Variants in DYNC2H1 observed in about 807,000 individuals in gnomAD.
DYNC2H1 encodes cytoplasmic dynein 2 heavy chain 1.
DYNC2H1 carries 410 observed loss-of-function variants against 570.0 expected under a neutral mutation model. The ratio of observed to expected loss-of-function variants is 0.72; its 90% CI spans 0.66 to 0.78. The LOEUF (loss-of-function observed/expected upper bound fraction) is 0.78. DYNC2H1 is among the 30% of genes least tolerant of loss of function. The pLI, the probability that DYNC2H1 is intolerant of heterozygous loss-of-function variation, is 0.00. For synonymous variants in DYNC2H1, 1,688 were observed against 1,677.6 expected (o/e 1.01, Z -0.15); for missense variants, 4,865 against 5,046.4 (o/e 0.96, Z 1.09).
At position 103,261,354 on chromosome 11, in the gene DYNC2H1, C is replaced by A. The variant is rs922357819; in HGVS notation, c.10695+1377C>A. 4.7e-4 allele frequency among the ~76,000 whole-genome samples: 71 copies of A among 152,342 alleles called. No individual in the cohort carries two copies. Among genetic ancestry groups the A allele is most frequent in the African/African-American group, 1.7e-3 (70 of 41,584 alleles). On this transcript the variant is annotated intron_variant, in intron 70 of 88. Transcript: ENST00000375735. This position sits in a 1 kb window ranked among gnomAD's most constrained non-coding sequence, Gnocchi z 4.8. ...ACAGAGCTTGAGCTCTGCTAAGGGA[C>A]AGATTGCCTTCTCAAGTGGGTCCCT...
chr11:103,220,333 A>C (rs765337421), intron 56 of DYNC2H1, among the ~76,000 whole-genome samples: 3 of 152,210 alleles, frequency 2.0e-5, no homozygotes, highest in Non-Finnish European at 4.4e-5. Flanking sequence ...TGATTAAATT[A>C]GTCAGCTAGT....
chr11:103,398,500 ATTAC>A lies in DYNC2H1; in HGVS notation c.12157-1157_12157-1154del, dbSNP rs1481347022. 2.6e-5 allele frequency among the ~76,000 whole-genome samples: 4 copies of A among 152,326 alleles called. No homozygotes were observed. The East Asian group carries it at 5.8e-4, about 22-fold the overall frequency. On this transcript the variant is annotated intron_variant, in intron 83 of 88. Transcript: ENST00000375735. The stretch of plus-strand genomic sequence containing the variant: ...AATGGCAGTAACCATGGTAGGTTAA[ATTAC>A]TTACTATGCTAAATAGATGAAAAAG...
intron 48 of DYNC2H1, among the ~76,000 whole-genome samples, chr11:103,198,609 T>C (rs1490057663): frequency 1.3e-5 from 2 of 152,196 alleles, no homozygotes; most frequent in African/African-American, 4.8e-5. Flanking sequence ...TTATATTGAA[T>C]GTTAGTGTGG....
chr11:103,168,877 C>A lies in DYNC2H1; in HGVS notation c.4885C>A (p.Gln1629Lys), dbSNP rs755319523. ...HTTEDWAWKKQLRFYMKSDHT... is the reference protein window; with the variant it reads ...HTTEDWAWKKKLRFYMKSDHT... ...AACTGAAGACTGGGCTTGGAAAAAA[C>A]AACTTAGATTCTATATGAAAAGTGA... The change falls in exon 32 of 89, where the codon CAA becomes AAA. Residue 1629 changes from glutamine (Q) to lysine (K), a missense_variant. Gln to Lys is a moderately conservative substitution (Grantham distance 53, BLOSUM62 1). Coordinates refer to ENST00000375735, the MANE Select transcript of DYNC2H1 (RefSeq NM_001377.3). 1.2e-6 allele frequency: 2 copies of A among 1,613,144 alleles called. No individual in the cohort carries two copies. Among genetic ancestry groups the A allele is most frequent in the Admixed American group, 1.7e-5 (1 of 59,940 alleles).
rs564411205 is a variant in DYNC2H1 at position 103,465,960 on chromosome 11, C to T, written c.12649-2629C>T. Among the ~76,000 whole-genome samples the T allele has an allele frequency of 6.6e-6, 1 of 152,302 alleles. No homozygotes were observed. Among genetic ancestry groups the T allele is most frequent in the South Asian group, 2.1e-4 (1 of 4,826 alleles). ...CTGAAGGAAGCAGCAGCCAAGCTTA[C>T]TTGGCAAAGGGGTGCATATTAGGAG... is the stretch of plus-strand genomic sequence containing the variant. On this transcript the variant is annotated intron_variant, in intron 87 of 88. Coordinates refer to ENST00000375735, the MANE Select transcript of DYNC2H1 (RefSeq NM_001377.3). This position sits in a 1 kb window ranked among gnomAD's most constrained non-coding sequence, Gnocchi z 4.9.
intron 25 of DYNC2H1, among the ~76,000 whole-genome samples, chr11:103,156,028 T>G (rs894714782): frequency 2.0e-5 from 3 of 152,184 alleles, no homozygotes; most frequent in African/African-American, 7.2e-5. Context: ...ATTTCTGAAT[T>G]TCTTTTGTTC....
rs1348487126 is a variant in DYNC2H1, at chr11:103,186,482, C to A, written c.6874C>A (p.Pro2292Thr). ...DTKQPFILVG[P>T]EGCGKGMLLR... ...TAAACAGCCCTTTATTCTGGTAGGA[C>A]CAGAAGGATGTGGCAAAGGGTAAGA... The change falls in exon 42 of 89, where the codon CCA becomes ACA. Residue 2292 changes from proline (P) to threonine (T), a missense_variant. Pro to Thr is a conservative substitution (Grantham distance 38). This residue lies in a region of DYNC2H1 where 2,401 missense variants were observed against 2,454.6 expected (regional missense o/e 0.98). Transcript: ENST00000375735. The surrounding 1 kb of genome is among the most constrained non-coding windows in gnomAD (Gnocchi z 4.5). The A allele has an allele frequency of 6.2e-7, 1 of 1,611,118 alleles. No individual in the cohort carries two copies. Among genetic ancestry groups the A allele is most frequent in the Non-Finnish European group, 8.5e-7 (1 of 1,178,888 alleles).
At chr11:103,388,515 C>A (rs1229830246) in intron 83 of DYNC2H1, among the ~76,000 whole-genome samples, 1 of 152,142 alleles carries the variant, frequency 6.6e-6, no homozygotes, top group Non-Finnish European at 1.5e-5. Flanking sequence ...TGCCTGATTG[C>A]CCTGGCCAGA....
At chr11:103,301,511 A>T (rs980313617) in intron 75 of DYNC2H1, among the ~76,000 whole-genome samples, 4 of 151,974 alleles carry the variant, frequency 2.6e-5, no homozygotes, top group Non-Finnish European at 4.4e-5. Context: ...AGAATTCTTT[A>T]TTGCTAAATT....
chr11:103,323,683 T>C (rs1038983831), intron 81 of DYNC2H1, among the ~76,000 whole-genome samples: 2 of 151,986 alleles, frequency 1.3e-5, no homozygotes, highest in Non-Finnish European at 2.9e-5. Context: ...AAATATAATA[T>C]CAAATAATTG....
chr11:103,385,103 T>C (rs1941818677), intron 83 of DYNC2H1, among the ~76,000 whole-genome samples: 1 of 152,146 alleles, frequency 6.6e-6, no homozygotes, highest in Non-Finnish European at 1.5e-5. Context: ...ACCTTGATTT[T>C]CTGCAGTTAT....
chr11:103,120,732 C>A lies in DYNC2H1; in HGVS notation c.1178C>A (p.Ala393Glu). Residue 393 changes from alanine to glutamate, a missense_variant, in exon 8 of 89, where the codon GCA becomes GAA. By Grantham distance (107) the Ala-to-Glu change is moderately radical. Coordinates refer to ENST00000375735, the MANE Select transcript of DYNC2H1 (RefSeq NM_001377.3). ...GTGTCTCAATATGAAAAGATTATTG[C>A]ACCTGCGGAACAAAAAATAGCAGGA... ...AAVSQYEKII[A>E]PAEQKIAGKL... The A allele has an allele frequency of 6.2e-7, 1 of 1,608,060 alleles. No individual in the cohort carries two copies. The highest frequency in any genetic ancestry group is 8.5e-7 in the Non-Finnish European group (1 of 1,176,742).
chr11:103,374,660 T>G (rs549301690), intron 83 of DYNC2H1, among the ~76,000 whole-genome samples: 1 of 152,284 alleles, frequency 6.6e-6, no homozygotes, highest in South Asian at 2.1e-4. Flanking sequence ...TGTTGGGAAC[T>G]GAAGTAAAGG....
chr11:103,118,370 A>T (rs1858526672), intron 6 of DYNC2H1, among the ~76,000 whole-genome samples: 1 of 148,032 alleles, frequency 6.8e-6, no homozygotes, highest in Non-Finnish European at 1.5e-5. Flanking sequence ...AAAAAAAAAC[A>T]AAACTTTTTT....
chr11:103,168,965 G>T lies in DYNC2H1; in HGVS notation c.4968+5G>T. 6.3e-7 allele frequency: 1 copy of T among 1,592,086 alleles called. No homozygotes were observed. Among genetic ancestry groups the T allele is most frequent in the South Asian group, 1.2e-5 (1 of 84,482 alleles). On this transcript the variant is annotated splice_donor_5th_base_variant and intron_variant, in intron 32 of 88. Coordinates refer to ENST00000375735, the MANE Select transcript of DYNC2H1 (RefSeq NM_001377.3). The stretch of plus-strand genomic sequence containing the variant: ...CAGTATACTTATGAATATCAGGTAT[G>T]AGTTGTGGCAGTGTTTTATATTTCC...
At chr11:103,282,842 T>C (rs1166007460) in intron 72 of DYNC2H1, among the ~76,000 whole-genome samples, 166 bp from the exon 73 acceptor site, 2 of 152,084 alleles carry the variant, frequency 1.3e-5, no homozygotes, top group Non-Finnish European at 2.9e-5. Context: ...CAGTCCCTTA[T>C]GTTACATAGA....
intron 83 of DYNC2H1, among the ~76,000 whole-genome samples, chr11:103,372,536 T>C (rs1941214257): frequency 6.6e-6 from 1 of 152,300 alleles, no homozygotes; most frequent in Non-Finnish European, 1.5e-5. Context: ...TTTTATTCAT[T>C]TGTATATGTT....
chr11:103,351,185 G>A (rs1050470782), intron 82 of DYNC2H1, among the ~76,000 whole-genome samples: 4 of 152,094 alleles, frequency 2.6e-5, no homozygotes, highest in African/African-American at 9.7e-5. Context: ...GGTTCAAAAT[G>A]TCCTTACTCA....
chr11:103,388,450 G>C (rs1045482654), intron 83 of DYNC2H1, among the ~76,000 whole-genome samples: 4 of 152,142 alleles, frequency 2.6e-5, no homozygotes, highest in Non-Finnish European at 2.9e-5. Context: ...CATCTGCAAA[G>C]AGGGACAATT....
Sources: gnomAD v4.1 joint callset for allele counts (sites outside exome capture counted in the v4.1 genomes callset) on GRCh38, gnomAD v4.1.1 for gene constraint, gnomAD v4.1.1 regional missense constraint, Gnocchi (gnomAD v3.1) non-coding constraint, MANE v1.5 for transcripts, NCBI Gene and HGNC (gene_info 2026-07-23, HGNC 2026-07-21) for gene names.